EXOC4: variants seen among roughly 807,000 people sequenced by gnomAD.
EXOC4 encodes the protein exocyst complex component 4, also known as SEC8-like 1.
A neutral mutation model predicts 107.2 loss-of-function variants in EXOC4; 71 were observed. The ratio of observed to expected loss-of-function variants is 0.66; its 90% CI spans 0.55 to 0.81. The LOEUF (loss-of-function observed/expected upper bound fraction) is 0.81, where lower values mean the gene tolerates loss of function less well. EXOC4 is among the 30% of genes least tolerant of loss of function. EXOC4 has a pLI of 0.00. For missense variants in EXOC4, 1,108 were observed against 1,189.6 expected (o/e 0.93, Z 1.01); for synonymous variants, 456 against 441.2 (o/e 1.03, Z -0.42).
intron 7 of EXOC4, among the ~76,000 whole-genome samples, chr7:133,472,503 A>C (rs372326085): frequency 6.6e-6 from 1 of 152,206 alleles, no homozygotes; most frequent in African/African-American, 2.4e-5. Context: ...GAAGGAATTA[A>C]TGTTTTTATG....
At chr7:133,437,112 T>G (rs1451816775) in intron 7 of EXOC4, among the ~76,000 whole-genome samples, 1 of 152,200 alleles carries the variant, frequency 6.6e-6, no homozygotes, top group African/African-American at 2.4e-5. Flanking sequence ...TTGCGTGTTA[T>G]CCAAACATGT....
chr7:133,805,747 G>T (rs930171354), intron 10 of EXOC4, among the ~76,000 whole-genome samples: 1 of 152,178 alleles, frequency 6.6e-6, no homozygotes, highest in African/African-American at 2.4e-5. Flanking sequence ...AGAGAGCAAG[G>T]CATGTTTTAT....
the EXOC4 span, among the ~76,000 whole-genome samples, chr7:134,093,829 G>A: frequency 5.3e-5 from 8 of 151,878 alleles, no homozygotes; most frequent in Non-Finnish European, 7.4e-5. Flanking sequence ...ATGACTTTTG[G>A]GTAAACAACA....
intron 17 of EXOC4, among the ~76,000 whole-genome samples, chr7:134,051,914 A>C (rs1795801451): frequency 7.0e-6 from 1 of 142,000 alleles, no homozygotes; most frequent in South Asian, 2.3e-4. Flanking sequence ...TGAACCCGGG[A>C]GGTAGAGCTT....
At chr7:133,584,574 GTTTTTTTTTTGT>G (rs1330887577) in intron 9 of EXOC4, among the ~76,000 whole-genome samples, 4 of 84,814 alleles carry the variant, frequency 4.7e-5, no homozygotes, top group African/African-American at 1.9e-4. Context: ...ACGTATTTCA[GTTTTTTTTTTGT>G]TTTTTTTTTT....
At chr7:133,518,898 G>C (rs1482994251) in intron 9 of EXOC4, among the ~76,000 whole-genome samples, 1 of 152,086 alleles carries the variant, frequency 6.6e-6, no homozygotes, top group African/African-American at 2.4e-5. Flanking sequence ...AAAAGTTCTG[G>C]AAATGGATGA....
downstream of EXOC4, among the ~76,000 whole-genome samples, chr7:134,067,149 CAAA>C (rs10597442): frequency 4.5e-4 from 55 of 121,938 alleles, no homozygotes; most frequent in African/African-American, 1.6e-3. Context: ...CACTCTGTCT[CAAA>C]AAAAAAAAAA....
chr7:133,552,314 T>C (rs1337801110), intron 9 of EXOC4, among the ~76,000 whole-genome samples: 1 of 152,170 alleles, frequency 6.6e-6, no homozygotes, highest in East Asian at 1.9e-4. Flanking sequence ...CTTAAATATT[T>C]TAGGCTCTCT....
At chr7:133,918,044 G>A (rs1350539687) in intron 13 of EXOC4, among the ~76,000 whole-genome samples, 4 of 150,900 alleles carry the variant, frequency 2.7e-5, no homozygotes, top group Non-Finnish European at 4.4e-5. Context: ...GTACAGTGGC[G>A]CAATCTCGGC....
intron 2 of EXOC4, 69 bp from the exon 3 acceptor site, chr7:133,288,853 C>A: frequency 7.4e-7 from 1 of 1,343,964 alleles, no homozygotes; most frequent in Non-Finnish European, 1.0e-6. Flanking sequence ...GTGAAGACTA[C>A]TAACCAGATT....
chr7:133,495,274 G>C (rs183453202), intron 9 of EXOC4, among the ~76,000 whole-genome samples: 1 of 151,460 alleles, frequency 6.6e-6, no homozygotes, highest in African/African-American at 2.4e-5. Context: ...AAAATTGTGC[G>C]TAACACTGGA....
At chr7:133,287,250 A>T (rs984440486) in intron 2 of EXOC4, among the ~76,000 whole-genome samples, 1 of 152,140 alleles carries the variant, frequency 6.6e-6, no homozygotes, top group African/African-American at 2.4e-5. Context: ...AATCATCTTC[A>T]TCAGATTTAC....
At chr7:133,355,477 A>G (rs190465968) in intron 5 of EXOC4, among the ~76,000 whole-genome samples, 3 of 152,212 alleles carry the variant, frequency 2.0e-5, no homozygotes, top group Non-Finnish European at 2.9e-5. Context: ...GTATATTCAT[A>G]CTTTGGAGAG....
intron 7 of EXOC4, among the ~76,000 whole-genome samples, chr7:133,375,616 A>T (rs944468446): frequency 3.3e-5 from 5 of 152,210 alleles, no homozygotes; most frequent in African/African-American, 1.2e-4. Flanking sequence ...GGTAAAAAAC[A>T]TTAAAATATT....
At chr7:133,497,654 C>T (rs1191201837) in intron 9 of EXOC4, among the ~76,000 whole-genome samples, 1 of 152,132 alleles carries the variant, frequency 6.6e-6, no homozygotes, top group Non-Finnish European at 1.5e-5. Context: ...TGGTCTCAAA[C>T]CCCTGACCTC....
intron 7 of EXOC4, among the ~76,000 whole-genome samples, chr7:133,384,971 C>T (rs1191164966): frequency 6.6e-5 from 10 of 152,074 alleles, no homozygotes; most frequent in Non-Finnish European, 1.3e-4. Context: ...CACTTGGCCA[C>T]GCATCTGCAG....
intron 7 of EXOC4, among the ~76,000 whole-genome samples, chr7:133,470,810 G>A (rs1227679447): frequency 6.6e-6 from 1 of 152,160 alleles, no homozygotes; most frequent in African/African-American, 2.4e-5. Context: ...ATTTGATATT[G>A]TAAGTAATGC....
At chr7:134,081,551 C>T in the EXOC4 span, among the ~76,000 whole-genome samples, 1 of 152,080 alleles carries the variant, frequency 6.6e-6, no homozygotes, top group African/African-American at 2.4e-5. Context: ...TTCTCTGTAG[C>T]CCCGATACTT....
intron 11 of EXOC4, among the ~76,000 whole-genome samples, chr7:133,886,884 C>T (rs1368868161): frequency 6.6e-6 from 1 of 152,110 alleles, no homozygotes; most frequent in Non-Finnish European, 1.5e-5. Context: ...AAAATGGAAA[C>T]TTTTTTCCCT....
Sources: gnomAD v4.1 joint callset for allele counts (sites outside exome capture counted in the v4.1 genomes callset) on GRCh38, gnomAD v4.1.1 for gene constraint, MANE v1.5 for transcripts, NCBI Gene and HGNC (gene_info 2026-07-23, HGNC 2026-07-21) for gene names.